The following PLEKHM3 variants were observed in gnomAD, a reference collection of about 807,000 sequenced individuals.
PLEKHM3 encodes the protein pleckstrin homology domain containing M3.
A neutral mutation model predicts 81.8 loss-of-function variants in PLEKHM3; 45 were observed. That is an observed-to-expected ratio of 0.55 (90% CI 0.43 to 0.71). The LOEUF (loss-of-function observed/expected upper bound fraction) is 0.71, where lower values mean the gene tolerates loss of function less well. Ranked by LOEUF, PLEKHM3 falls within the 30% of genes least tolerant of loss-of-function variation. The probability of loss-of-function intolerance (pLI) is 0.00; values close to 1 mark genes in which losing one functional copy is unlikely to be tolerated. For synonymous variants in PLEKHM3, 352 were observed against 356.4 expected (o/e 0.99, Z 0.14); for missense variants, 788 against 924.3 (o/e 0.85, Z 1.91).
chr2:207,862,616 C>T (rs370173175), intron 6 of PLEKHM3, among the ~76,000 whole-genome samples: 1 of 151,438 alleles, frequency 6.6e-6, no homozygotes, highest in Non-Finnish European at 1.5e-5. Flanking sequence ...CCAGCCTGGG[C>T]AACAAGAGTG....
In PLEKHM3 at chr2:207,828,012, T is replaced by C. The variant is rs1257112302; in HGVS notation, c.*307A>G. 1.1e-5 allele frequency: 2 copies of C among 185,744 alleles called. No individual in the cohort carries two copies. Among genetic ancestry groups the C allele is most frequent in the East Asian group, 2.6e-4 (2 of 7,798 alleles). 11.5% of individuals were successfully genotyped at this position (185,744 alleles called of 1,614,324 possible). A position where few individuals can be genotyped will look rare whatever the true frequency, so the allele number is the denominator to read the frequency against. The stretch of plus-strand genomic sequence containing the variant: ...AGAGAGAAAAAAAAAGTCTGAACTA[T>C]AAAGCATTGTGTATACCACGTTTTG... On this transcript the variant is annotated 3_prime_UTR_variant, in exon 8 of 8. Coordinates refer to ENST00000427836, the MANE Select transcript of PLEKHM3 (RefSeq NM_001080475.3).
At chr2:207,991,314 A>G (rs1025458521) in intron 2 of PLEKHM3, among the ~76,000 whole-genome samples, 3 of 152,196 alleles carry the variant, frequency 2.0e-5, no homozygotes, top group Non-Finnish European at 4.4e-5. Context: ...TTCTTGATGC[A>G]GCCTACAGAA....
intron 3 of PLEKHM3, among the ~76,000 whole-genome samples, chr2:207,970,212 G>A (rs1691065147): frequency 7.0e-6 from 1 of 143,310 alleles, no homozygotes; most frequent in Admixed American, 6.8e-5. Flanking sequence ...CAGGGGAGAG[G>A]AGAGAGAGGA....
intron 5 of PLEKHM3, among the ~76,000 whole-genome samples, chr2:207,929,626 A>G (rs1689520054): frequency 6.6e-6 from 1 of 152,226 alleles, no homozygotes; most frequent in Non-Finnish European, 1.5e-5. Context: ...ATCTGCCTAG[A>G]CTTTATAAGA....
At chr2:207,954,180 C>A (rs879270441) in intron 3 of PLEKHM3, among the ~76,000 whole-genome samples, 3 of 151,998 alleles carry the variant, frequency 2.0e-5, no homozygotes, top group Admixed American at 6.6e-5. Context: ...GAGTGAGGCC[C>A]CATTTTTTCC....
rs1309889671 is a variant in PLEKHM3 at position 207,841,555 on chromosome 2, ATTTAT to A, written c.2109-13064_2109-13060del. On this transcript the variant is annotated intron_variant, in intron 7 of 7. Coordinates refer to ENST00000427836, the MANE Select transcript of PLEKHM3 (RefSeq NM_001080475.3). ...ACATTTCTAGTACTCTGTGGGCTTT[ATTTAT>A]TTTACATTAAAATATTTGATCCACT... Among the ~76,000 whole-genome samples, 317 of 130,064 alleles carry A rather than the reference ATTTAT, an allele frequency of 2.4e-3. 1 individual carries two copies. The highest frequency in any genetic ancestry group is 5.4e-3 in the Admixed American group (60 of 11,028). The allele number at this position is 130,064 out of a possible 152,430, so 85.3% of individuals were successfully genotyped here.
chr2:207,980,481 A>G (rs1225946214), intron 2 of PLEKHM3, among the ~76,000 whole-genome samples: 1 of 152,208 alleles, frequency 6.6e-6, no homozygotes, highest in East Asian at 1.9e-4. Context: ...CTGTTCTCCC[A>G]ACTCAGCTTC....
At chr2:207,923,880 CATATATATAT>C (rs1226187210) in intron 5 of PLEKHM3, among the ~76,000 whole-genome samples, 1 of 56,770 alleles carries the variant, frequency 1.8e-5, no homozygotes, top group Non-Finnish European at 3.2e-5. Context: ...CACACACACA[CATATATATAT>C]ATATATATAT....
intron 2 of PLEKHM3, among the ~76,000 whole-genome samples, chr2:207,979,995 A>G (rs1691466783): frequency 6.6e-6 from 1 of 152,204 alleles, no homozygotes; most frequent in Admixed American, 6.5e-5. Context: ...TAATGCAATA[A>G]GGGAGGCAGT....
At chr2:207,901,031 C>A (rs1688406865) in intron 6 of PLEKHM3, 1 of 547,920 alleles carries the variant, frequency 1.8e-6, no homozygotes, top group Admixed American at 3.2e-5. Context: ...AAACACCATC[C>A]AACTCCACAG....
At chr2:207,873,303 C>T (rs1008267318) in intron 6 of PLEKHM3, among the ~76,000 whole-genome samples, 5 of 152,248 alleles carry the variant, frequency 3.3e-5, no homozygotes, top group Admixed American at 2.0e-4. Flanking sequence ...CTATTCCCAG[C>T]TATGTCCCCA....
At chr2:207,859,527 G>C (rs2092455907) in intron 7 of PLEKHM3, among the ~76,000 whole-genome samples, 1 of 151,632 alleles carries the variant, frequency 6.6e-6, no homozygotes. Flanking sequence ...AGACAATTAA[G>C]TTGTTTCTAC....
At position 207,860,999 on chromosome 2, in the gene PLEKHM3, T is replaced by C. The variant is rs2092464340; in HGVS notation, c.2108+106A>G. 1.5e-5 allele frequency: 19 copies of C among 1,293,420 alleles called. No individual in the cohort carries two copies. The South Asian group carries it at 2.3e-4, about 16-fold the overall frequency. 80.1% of individuals were successfully genotyped at this position (1,293,420 alleles called of 1,614,324 possible). A position where few individuals can be genotyped will look rare whatever the true frequency, so the allele number is the denominator to read the frequency against. ...AGAACAAGGAAAACCTGATCCAGGG[T>C]AAGAGACAGAGATACACTACTTGAC... On this transcript the variant is annotated intron_variant, in intron 7 of 7. Transcript: ENST00000427836.
At chr2:207,990,624 T>A (rs1244164546) in intron 2 of PLEKHM3, among the ~76,000 whole-genome samples, 3 of 152,178 alleles carry the variant, frequency 2.0e-5, no homozygotes, top group Non-Finnish European at 4.4e-5. Flanking sequence ...CTGCCACACA[T>A]GTCCATAGCA....
At chr2:207,844,899 G>A (rs567609489) in intron 7 of PLEKHM3, among the ~76,000 whole-genome samples, 6 of 152,140 alleles carry the variant, frequency 3.9e-5, no homozygotes, top group African/African-American at 7.2e-5. Context: ...GGGGGATTCC[G>A]GCCTTCAAGG....
intron 5 of PLEKHM3, among the ~76,000 whole-genome samples, chr2:207,920,565 A>G (rs2105920349): frequency 8.8e-6 from 1 of 113,032 alleles, no homozygotes; most frequent in Middle Eastern, 5.3e-3. Flanking sequence ...TTAGCAGTCC[A>G]AAGTAAAATG....
At chr2:207,959,502 G>A (rs1024146881) in intron 3 of PLEKHM3, among the ~76,000 whole-genome samples, 11 of 152,130 alleles carry the variant, frequency 7.2e-5, no homozygotes, top group African/African-American at 2.7e-4. Context: ...TCTTACATCA[G>A]TCTCCTCCAC....
At chr2:207,948,872 C>G (rs955226127) in intron 3 of PLEKHM3, among the ~76,000 whole-genome samples, 3 of 151,714 alleles carry the variant, frequency 2.0e-5, no homozygotes, top group Admixed American at 2.0e-4. Context: ...AGAGACGGGG[C>G]TTCGCTATGT....
intron 3 of PLEKHM3, among the ~76,000 whole-genome samples, chr2:207,972,779 G>A (rs138660519): frequency 2.0e-4 from 30 of 152,158 alleles, no homozygotes; most frequent in Non-Finnish European, 4.3e-4. Flanking sequence ...AGGCATTTTT[G>A]CATAACCATG....
Sources: gnomAD v4.1 joint callset for allele counts (sites outside exome capture counted in the v4.1 genomes callset) on GRCh38, gnomAD v4.1.1 for gene constraint, MANE v1.5 for transcripts, NCBI Gene and HGNC (gene_info 2026-07-23, HGNC 2026-07-21) for gene names.